TNFAIP8: variants seen among roughly 807,000 people sequenced by gnomAD.
TNFAIP8 encodes tumor necrosis factor alpha-induced protein 8.
Under a neutral mutation model 13.3 loss-of-function variants are expected in TNFAIP8, and 7 were observed. The observed-to-expected ratio is 0.52, with a 90% CI of 0.30 to 0.99. TNFAIP8 has a LOEUF of 0.99. TNFAIP8 is among the 50% of genes least tolerant of loss of function. The pLI is 0.07. For synonymous variants in TNFAIP8, 94 were observed against 87.6 expected, an observed-to-expected ratio of 1.07 and a Z score of -0.41; for missense variants, 258 against 236.9, an observed-to-expected ratio of 1.09 and a Z score of -0.58.
upstream of TNFAIP8, chr5:119,355,941 A>C: frequency 7.0e-7 from 1 of 1,435,712 alleles, no homozygotes; most frequent in Non-Finnish European, 9.3e-7. Context: ...CTGCACCAGA[A>C]CCCGCTCTCC....
chr5:119,351,882 T>C (rs958959229), upstream of TNFAIP8, among the ~76,000 whole-genome samples: 6 of 149,722 alleles, frequency 4.0e-5, no homozygotes, highest in East Asian at 1.2e-3. Context: ...CTCCACCTCC[T>C]GGGTTCAAGC....
At chr5:119,299,437 C>G (rs1283223786) in intron 1 of TNFAIP8, among the ~76,000 whole-genome samples, 1 of 152,118 alleles carries the variant, frequency 6.6e-6, no homozygotes, top group African/African-American at 2.4e-5. Context: ...TCGTGAACCG[C>G]GAATGCTGCT....
At chr5:119,365,480 A>T (rs10055743) in intron 1 of TNFAIP8, among the ~76,000 whole-genome samples, 24,520 of 152,170 alleles carry the variant, frequency 0.16, 3,950 homozygotes, top group African/African-American at 0.42. Flanking sequence ...CTCAGTGCTC[A>T]GACAGCTTCA....
chr5:119,318,712 C>G (rs868852723), intron 1 of TNFAIP8, among the ~76,000 whole-genome samples: 3 of 147,872 alleles, frequency 2.0e-5, no homozygotes, highest in Non-Finnish European at 4.5e-5. Flanking sequence ...CCTCTTCCTG[C>G]CCCTCCTCCC....
chr5:119,356,273 C>G (rs899552741), intron 1 of TNFAIP8, among the ~76,000 whole-genome samples, 152 bp downstream of exon 1: 2 of 152,172 alleles, frequency 1.3e-5, no homozygotes, highest in Admixed American at 1.3e-4. Context: ...GCTGGATAAG[C>G]GGAGCCCGGG....
intron 1 of TNFAIP8, among the ~76,000 whole-genome samples, chr5:119,368,854 G>A (rs1043206670): frequency 1.3e-5 from 2 of 152,016 alleles, no homozygotes; most frequent in African/African-American, 4.8e-5. Flanking sequence ...CTTGTGCTCT[G>A]GAGCTCCTTG....
intron 1 of TNFAIP8, among the ~76,000 whole-genome samples, chr5:119,339,196 G>T (rs905958236): frequency 6.6e-6 from 1 of 152,198 alleles, no homozygotes; most frequent in African/African-American, 2.4e-5. Context: ...CTGGCTTCTT[G>T]TAGTTGTGTC....
In TNFAIP8 at chr5:119,397,243, A is replaced by G. The variant is rs1753096895; in HGVS notation, c.*3862A>G. 1 of 152,104 alleles carries G rather than the reference A, an allele frequency of 6.6e-6. No homozygotes were observed. Among genetic ancestry groups the G allele is most frequent in the Non-Finnish European group, 1.5e-5 (1 of 68,026 alleles). The allele number at this position is 152,104 out of a possible 1,614,324, so 9.4% of individuals were successfully genotyped here. On this transcript the variant is annotated 3_prime_UTR_variant, in exon 2 of 2. Coordinates refer to ENST00000504771, the MANE Select transcript of TNFAIP8 (RefSeq NM_014350.4). ...TACTAAGAATTTTAATTTATCCTTGAGATACTTGATGAGTGTATATAAGCA... is the reference window on the plus strand; with the variant it reads ...TACTAAGAATTTTAATTTATCCTTGGGATACTTGATGAGTGTATATAAGCA...
rs1388333944 is a variant in TNFAIP8, at chr5:119,397,983, A to G, written c.*4602A>G. Reference sequence around the variant, plus strand: ...AGGGAACAAGCGAGTCCCAAATCGTACCATCTGCTGAGCACTGAGAAAGGA... The same window carrying G: ...AGGGAACAAGCGAGTCCCAAATCGTGCCATCTGCTGAGCACTGAGAAAGGA... On this transcript the variant is annotated 3_prime_UTR_variant, in exon 2 of 2. Coordinates refer to ENST00000504771, the MANE Select transcript of TNFAIP8 (RefSeq NM_014350.4). 1 of 152,244 alleles carries G rather than the reference A, an allele frequency of 6.6e-6. No individual in the cohort carries two copies. The highest frequency in any genetic ancestry group is 1.5e-5 in the Non-Finnish European group (1 of 68,038). 9.4% of individuals were successfully genotyped at this position (152,244 alleles called of 1,614,324 possible). A position where few individuals can be genotyped will look rare whatever the true frequency, so the allele number is the denominator to read the frequency against.
chr5:119,397,194 G>A lies in TNFAIP8; in HGVS notation c.*3813G>A, dbSNP rs542230264. The A allele has an allele frequency of 1.3e-4, 20 of 151,684 alleles. No homozygotes were observed. Among genetic ancestry groups the A allele is most frequent in the African/African-American group, 4.6e-4 (19 of 41,316 alleles). The allele number at this position is 151,684 out of a possible 1,614,324, so 9.4% of individuals were successfully genotyped here. ...AAGGCTTAAAATAGTACTTTTTGTG[G>A]TCTGTACCGGTCAGTTGGATTTTTA... On this transcript the variant is annotated 3_prime_UTR_variant, in exon 2 of 2. Coordinates refer to ENST00000504771, the MANE Select transcript of TNFAIP8 (RefSeq NM_014350.4).
chr5:119,285,604 TAACTA>T (rs1342798800), intron 1 of TNFAIP8, among the ~76,000 whole-genome samples: 1 of 152,240 alleles, frequency 6.6e-6, no homozygotes, highest in Non-Finnish European at 1.5e-5. Flanking sequence ...AAGTGACTGT[TAACTA>T]TACTAACATA....
intron 1 of TNFAIP8, among the ~76,000 whole-genome samples, chr5:119,357,264 A>C (rs565376563): frequency 3.3e-5 from 5 of 152,334 alleles, no homozygotes; most frequent in African/African-American, 1.2e-4. Context: ...TGAATGAAAA[A>C]TGACAGCCAG....
chr5:119,292,750 C>G (rs1470797133), intron 1 of TNFAIP8, among the ~76,000 whole-genome samples: 1 of 138,808 alleles, frequency 7.2e-6, no homozygotes, highest in Non-Finnish European at 1.5e-5. Context: ...CCTGCTACAG[C>G]ATGGGTGAAT....
At chr5:119,298,676 C>A (rs1391796891) in intron 1 of TNFAIP8, among the ~76,000 whole-genome samples, 1 of 152,114 alleles carries the variant, frequency 6.6e-6, no homozygotes, top group Admixed American at 6.5e-5. Context: ...TGGGGAAGTT[C>A]TCCTGGATAC....
chr5:119,345,348 A>G (rs1750862838), intron 1 of TNFAIP8, among the ~76,000 whole-genome samples: 1 of 152,206 alleles, frequency 6.6e-6, no homozygotes, highest in African/African-American at 2.4e-5. Context: ...AAATAGAATT[A>G]CCATATGATT....
At chr5:119,304,330 C>G (rs1749487790) in intron 1 of TNFAIP8, among the ~76,000 whole-genome samples, 1 of 152,136 alleles carries the variant, frequency 6.6e-6, no homozygotes. Flanking sequence ...AGTTCAAACT[C>G]CTTCACCAAA....
chr5:119,323,524 C>A (rs370811366), intron 1 of TNFAIP8, among the ~76,000 whole-genome samples: 1 of 152,142 alleles, frequency 6.6e-6, no homozygotes. Context: ...ATTGTATGTC[C>A]TCACATTTTA....
chr5:119,347,435 A>G (rs1455890966), intron 1 of TNFAIP8, among the ~76,000 whole-genome samples: 1 of 152,218 alleles, frequency 6.6e-6, no homozygotes, highest in Non-Finnish European at 1.5e-5. Flanking sequence ...TTCAGATTGA[A>G]AAGGTTGGTG....
intron 1 of TNFAIP8, among the ~76,000 whole-genome samples, chr5:119,337,005 TA>T (rs1326212588): frequency 6.6e-6 from 1 of 152,228 alleles, no homozygotes; most frequent in Non-Finnish European, 1.5e-5. Context: ...CCAAATCCTC[TA>T]ATATCACTTT....
Sources: gnomAD v4.1 joint callset for allele counts (sites outside exome capture counted in the v4.1 genomes callset) on GRCh38, gnomAD v4.1.1 for gene constraint, MANE v1.5 for transcripts, NCBI Gene and HGNC (gene_info 2026-07-23, HGNC 2026-07-21) for gene names.